SLC14A2: variants seen among roughly 807,000 people sequenced by gnomAD.
SLC14A2 encodes the protein urea transporter 2.
Under a neutral mutation model 104.6 loss-of-function variants are expected in SLC14A2, and 91 were observed. The observed-to-expected ratio is 0.87, with a 90% CI of 0.73 to 1.04. SLC14A2 has a LOEUF of 1.04. Ranked by LOEUF, SLC14A2 falls within the 50% of genes least tolerant of loss-of-function variation. The pLI is 0.00. For missense variants in SLC14A2, 1,189 were observed against 1,156.0 expected, an observed-to-expected ratio of 1.03 and a Z score of -0.41; for synonymous variants, 476 against 466.4, an observed-to-expected ratio of 1.02 and a Z score of -0.27.
At chr18:45,310,735 A>T (rs2085070185) in intron 1 of SLC14A2, among the ~76,000 whole-genome samples, 1 of 152,222 alleles carries the variant, frequency 6.6e-6, no homozygotes, top group Non-Finnish European at 1.5e-5. Context: ...ACAGCAAGAT[A>T]TGTAATCATG....
At chr18:45,241,617 A>ATTTTC (rs1289776002) in intron 1 of SLC14A2, among the ~76,000 whole-genome samples, 12 of 117,756 alleles carry the variant, frequency 1.0e-4, no homozygotes, top group Non-Finnish European at 1.9e-4. Context: ...GACTTATTTG[A>ATTTTC]TTTTCTTTTC....
intron 12 of SLC14A2, 54 bp from the exon 13 acceptor site, chr18:45,666,881 C>T (rs376894712): frequency 6.7e-7 from 1 of 1,484,692 alleles, no homozygotes; most frequent in Non-Finnish European, 9.3e-7. Context: ...CATGAATTCT[C>T]AGTGTAAGAA....
At chr18:45,264,977 A>C (rs576240595) in intron 1 of SLC14A2, among the ~76,000 whole-genome samples, 1 of 152,328 alleles carries the variant, frequency 6.6e-6, no homozygotes, top group Non-Finnish European at 1.5e-5. Context: ...CCAGCAAAGT[A>C]GAGAATATCC....
chr18:45,331,652 C>T (rs1315570123), intron 1 of SLC14A2, among the ~76,000 whole-genome samples: 4 of 151,230 alleles, frequency 2.6e-5, no homozygotes, highest in Non-Finnish European at 4.4e-5. Context: ...GATCGCACCA[C>T]TGCACTCCAG....
intron 1 of SLC14A2, among the ~76,000 whole-genome samples, chr18:45,349,123 G>A (rs375597132): frequency 2.6e-5 from 4 of 152,272 alleles, no homozygotes; most frequent in South Asian, 2.1e-4. Context: ...TGCTCATTTC[G>A]CTTTCTTGTT....
the SLC14A2 span, among the ~76,000 whole-genome samples, chr18:45,171,550 T>C: frequency 1.8e-3 from 280 of 152,254 alleles, 1 homozygote; most frequent in African/African-American, 6.4e-3. Context: ...TAGGTAGATA[T>C]GATTCTTTTG....
chr18:45,646,020 G>A (rs2144571127), intron 10 of SLC14A2: 1 of 152,372 alleles, frequency 6.6e-6, no homozygotes, highest in East Asian at 1.9e-4. Context: ...AAAAGTGACA[G>A]TAGCATGACT....
At chr18:45,462,645 A>G (rs1323187322) in intron 1 of SLC14A2, among the ~76,000 whole-genome samples, 6 of 152,222 alleles carry the variant, frequency 3.9e-5, no homozygotes, top group African/African-American at 1.4e-4. Flanking sequence ...AAGCTTTCTA[A>G]TCAGCAGTGT....
At chr18:45,335,137 GC>G (rs983604389) in intron 1 of SLC14A2, among the ~76,000 whole-genome samples, 1 of 151,774 alleles carries the variant, frequency 6.6e-6, no homozygotes, top group Non-Finnish European at 1.5e-5. Context: ...ATTATCTTAT[GC>G]CCCTTTGTCA....
At chr18:45,357,300 G>A (rs1277958761) in intron 1 of SLC14A2, among the ~76,000 whole-genome samples, 1 of 148,370 alleles carries the variant, frequency 6.7e-6, no homozygotes, top group Non-Finnish European at 1.5e-5. Flanking sequence ...CAGATCTTGA[G>A]GGGGAAATAC....
At chr18:45,536,228 A>G (rs1417596881) in intron 2 of SLC14A2, among the ~76,000 whole-genome samples, 1 of 152,188 alleles carries the variant, frequency 6.6e-6, no homozygotes, top group Non-Finnish European at 1.5e-5. Context: ...CTGAGACAAG[A>G]GTGGGGTGGG....
chr18:45,460,445 A>T (rs1246167390), intron 1 of SLC14A2, among the ~76,000 whole-genome samples: 1 of 152,132 alleles, frequency 6.6e-6, no homozygotes, highest in Admixed American at 6.5e-5. Flanking sequence ...GATTCAAGGG[A>T]CCTTCCTGAC....
intron 2 of SLC14A2, among the ~76,000 whole-genome samples, chr18:45,570,915 A>C (rs1409757469): frequency 6.6e-6 from 1 of 152,270 alleles, no homozygotes; most frequent in African/African-American, 2.4e-5. Flanking sequence ...TTGAGTCCCA[A>C]GTGCTTACAG....
At chr18:45,282,007 C>A (rs1282007634) in intron 1 of SLC14A2, among the ~76,000 whole-genome samples, 3 of 152,132 alleles carry the variant, frequency 2.0e-5, no homozygotes, top group Non-Finnish European at 2.9e-5. Flanking sequence ...CTCCTACCTA[C>A]CTTGACTTCT....
intron 1 of SLC14A2, among the ~76,000 whole-genome samples, chr18:45,397,950 TA>T (rs2086054158): frequency 1.3e-5 from 2 of 152,006 alleles, no homozygotes; most frequent in Non-Finnish European, 2.9e-5. Context: ...AATAAATAAA[TA>T]AATAACGAAA....
At chr18:45,550,426 C>A (rs1197511865) in intron 2 of SLC14A2, among the ~76,000 whole-genome samples, 1 of 152,198 alleles carries the variant, frequency 6.6e-6, no homozygotes, top group Admixed American at 6.5e-5. Flanking sequence ...GAGTTAATTG[C>A]TCCCTCATCT....
chr18:45,460,467 GC>G (rs1275486366), intron 1 of SLC14A2, among the ~76,000 whole-genome samples: 1 of 152,144 alleles, frequency 6.6e-6, no homozygotes, highest in African/African-American at 2.4e-5. Flanking sequence ...GTTCCTGAAA[GC>G]CCTTCATGAT....
chr18:45,581,404 G>A (rs892338552), intron 2 of SLC14A2, among the ~76,000 whole-genome samples: 3 of 152,190 alleles, frequency 2.0e-5, no homozygotes, highest in African/African-American at 7.2e-5. Context: ...GGAGCCAGGA[G>A]AGTCCAGAAC....
intron 1 of SLC14A2, among the ~76,000 whole-genome samples, chr18:45,291,666 A>G (rs1242116460): frequency 6.6e-6 from 1 of 152,120 alleles, no homozygotes; most frequent in Admixed American, 6.5e-5. Flanking sequence ...GTGGTTGAAC[A>G]CCACTCGTTG....
Sources: allele counts gnomAD v4.1 joint callset (sites outside exome capture counted in the v4.1 genomes callset), GRCh38; gene constraint gnomAD v4.1.1; transcripts MANE v1.5; gene names NCBI Gene and HGNC (gene_info 2026-07-23, HGNC 2026-07-21).